LRRFIP2: variants seen among roughly 807,000 people sequenced by gnomAD.
The protein encoded by LRRFIP2 is LRR binding FLII interacting protein 2.
A neutral mutation model predicts 125.9 loss-of-function variants in LRRFIP2; 109 were observed. The ratio of observed to expected loss-of-function variants is 0.87; its 90% confidence interval spans 0.74 to 1.01. LRRFIP2 has a LOEUF of 1.01. Ranked by LOEUF, LRRFIP2 falls within the 50% of genes least tolerant of loss-of-function variation. The probability of loss-of-function intolerance (pLI) is 0.00; values close to 1 mark genes in which losing one functional copy is unlikely to be tolerated. For synonymous variants in LRRFIP2, 291 were observed against 293.1 expected (o/e 0.99, Z 0.07); for missense variants, 850 against 862.3 (o/e 0.99, Z 0.18).
chr3:37,085,637 A>C (rs1296339694), intron 18 of LRRFIP2, among the ~76,000 whole-genome samples: 29 of 150,718 alleles, frequency 1.9e-4, no homozygotes, highest in African/African-American at 6.8e-4. Context: ...GCTGGAGTGC[A>C]ATGGCGCGAT....
Position 37,111,058 on chromosome 3 carries a change from AG to A in LRRFIP2, c.445del (p.Leu149SerfsTer50). The A allele has an allele frequency of 6.2e-7, 1 of 1,613,540 alleles. No individual in the cohort carries two copies. Among genetic ancestry groups the A allele is most frequent in the Non-Finnish European group, 8.5e-7 (1 of 1,179,710 alleles). On this transcript the variant is annotated frameshift_variant, in exon 9 of 28. Coordinates refer to ENST00000336686, the MANE Select transcript of LRRFIP2 (RefSeq NM_006309.4). LOFTEE classifies it high-confidence loss of function. ...GCTATAGTTTCTCTGGTCAAAGTAG[AG>A]GCCACTCTGCAAAAAGCAAAATTAA... ...SDSHKDLLSG[L>X]YFDQRNYSSL...
At chr3:37,137,131 A>C (rs1351499670) in intron 2 of LRRFIP2, among the ~76,000 whole-genome samples, 1 of 151,798 alleles carries the variant, frequency 6.6e-6, no homozygotes, top group Admixed American at 6.6e-5. Context: ...ACCACATCCA[A>C]ACAATTTTTG....
chr3:37,153,568 G>T (rs989482637), intron 1 of LRRFIP2, among the ~76,000 whole-genome samples: 27 of 152,062 alleles, frequency 1.8e-4, no homozygotes, highest in African/African-American at 6.0e-4. Context: ...CTACCCCCAT[G>T]ATCCATTTTC....
intron 7 of LRRFIP2, among the ~76,000 whole-genome samples, chr3:37,113,269 T>C (rs2094621825): frequency 6.6e-6 from 1 of 152,196 alleles, no homozygotes; most frequent in East Asian, 1.9e-4. Flanking sequence ...AGAATATTTG[T>C]GGAGACCTTC....
chr3:37,068,880 A>C (rs904135246), intron 21 of LRRFIP2: 1 of 152,204 alleles, frequency 6.6e-6, no homozygotes, highest in South Asian at 2.1e-4. Flanking sequence ...TATTCTATAC[A>C]TGGGCTCCTG....
intron 17 of LRRFIP2, among the ~76,000 whole-genome samples, chr3:37,092,965 A>G (rs1019174924): frequency 6.6e-6 from 1 of 152,056 alleles, no homozygotes; most frequent in Non-Finnish European, 1.5e-5. Context: ...CAGCCTCCCA[A>G]GTAGCTGTGA....
chr3:37,141,950 T>TTTTG (rs1304104924), intron 2 of LRRFIP2, among the ~76,000 whole-genome samples: 2 of 152,026 alleles, frequency 1.3e-5, no homozygotes, highest in African/African-American at 4.8e-5. Flanking sequence ...CTTCCTGCCT[T>TTTTG]TTTGTTTGTT....
intron 16 of LRRFIP2, among the ~76,000 whole-genome samples, 161 bp from the exon 17 acceptor site, chr3:37,095,069 C>T (rs1318453036): frequency 6.6e-6 from 1 of 152,140 alleles, no homozygotes; most frequent in Middle Eastern, 3.2e-3. Context: ...TTGCAGGTAT[C>T]CAGGTATACA....
At chr3:37,072,501 C>CAAAAAAA (rs907848276) in intron 21 of LRRFIP2, among the ~76,000 whole-genome samples, 3 of 34,470 alleles carry the variant, frequency 8.7e-5, no homozygotes, top group Non-Finnish European at 1.5e-4. Context: ...GACTCCGTCT[C>CAAAAAAA]AAAAAAAAAA....
chr3:37,167,532 T>C (rs9830531), intron 1 of LRRFIP2, among the ~76,000 whole-genome samples: 4,965 of 151,242 alleles, frequency 0.033, 228 homozygotes, highest in African/African-American at 0.1. Context: ...CGGGTGCCCA[T>C]AGTCCCAGCT....
At chr3:37,055,962 A>C (rs2086727077) in intron 25 of LRRFIP2, among the ~76,000 whole-genome samples, 1 of 151,002 alleles carries the variant, frequency 6.6e-6, no homozygotes, top group Non-Finnish European at 1.5e-5. Flanking sequence ...CTCTTTCATG[A>C]CTCCCCTTAA....
intron 2 of LRRFIP2, among the ~76,000 whole-genome samples, chr3:37,136,116 G>A (rs2095549465): frequency 2.0e-5 from 3 of 152,084 alleles, no homozygotes; most frequent in South Asian, 4.1e-4. Context: ...AAAAGAAATC[G>A]AACACTGATA....
intron 19 of LRRFIP2, among the ~76,000 whole-genome samples, chr3:37,082,263 A>G (rs1449808163): frequency 6.6e-6 from 1 of 152,226 alleles, no homozygotes; most frequent in Admixed American, 6.5e-5. Context: ...AAAGATATAC[A>G]TATCTAGCAT....
intron 19 of LRRFIP2, among the ~76,000 whole-genome samples, chr3:37,076,028 C>T (rs896755964): frequency 3.9e-5 from 6 of 152,098 alleles, no homozygotes; most frequent in African/African-American, 1.4e-4. Context: ...CCTCATACCA[C>T]ACACCAGGAC....
At chr3:37,171,215 T>C (rs952162998) in intron 1 of LRRFIP2, 2 of 152,262 alleles carry the variant, frequency 1.3e-5, no homozygotes, top group African/African-American at 4.8e-5. Flanking sequence ...AAACCTAGCC[T>C]TAATCTTCTG....
At chr3:37,171,795 C>CT in intron 1 of LRRFIP2, among the ~76,000 whole-genome samples, 1 of 152,268 alleles carries the variant, frequency 6.6e-6, no homozygotes, top group Non-Finnish European at 1.5e-5. Context: ...AGAATTTAAA[C>CT]TATACACAAT....
intron 2 of LRRFIP2, among the ~76,000 whole-genome samples, chr3:37,140,935 T>G (rs952727553): frequency 1.4e-4 from 22 of 152,152 alleles, no homozygotes; most frequent in Non-Finnish European, 2.4e-4. Flanking sequence ...GTCATTGTCT[T>G]ATTTTAGGTT....
intron 1 of LRRFIP2, 43 bp downstream of exon 1, chr3:37,174,496 C>T (rs534005231): frequency 3.9e-5 from 6 of 152,220 alleles, no homozygotes; most frequent in African/African-American, 1.4e-4. Context: ...ACTCAAAAGA[C>T]TATTTTGTAT....
chr3:37,101,983 C>T (rs1377133145), intron 15 of LRRFIP2, among the ~76,000 whole-genome samples: 1 of 152,104 alleles, frequency 6.6e-6, no homozygotes, highest in Non-Finnish European at 1.5e-5. Flanking sequence ...TGCCATAATC[C>T]AAATATTTAA....
Sources: allele counts gnomAD v4.1 joint callset (sites outside exome capture counted in the v4.1 genomes callset), GRCh38; gene constraint gnomAD v4.1.1; transcripts MANE v1.5; gene names NCBI Gene and HGNC (gene_info 2026-07-23, HGNC 2026-07-21).